Variants in FOXJ3 observed in about 807,000 individuals in gnomAD.
The protein encoded by FOXJ3 is forkhead box J3, also known as forkhead box protein J3.
FOXJ3 carries 22 observed loss-of-function variants against 76.1 expected under a neutral mutation model. The ratio of observed to expected loss-of-function variants is 0.29; its 90% CI spans 0.21 to 0.41. The LOEUF (loss-of-function observed/expected upper bound fraction) is 0.41. Ranked by LOEUF, FOXJ3 falls within the 10% of genes least tolerant of loss-of-function variation. FOXJ3 has a pLI of 1.00. For synonymous variants in FOXJ3, 269 were observed against 261.2 expected, an observed-to-expected ratio of 1.03 and a Z score of -0.29; for missense variants, 613 against 762.1, an observed-to-expected ratio of 0.80 and a Z score of 2.30.
At chr1:42,308,320 G>C (rs1459601437) in intron 2 of FOXJ3, among the ~76,000 whole-genome samples, 1 of 152,232 alleles carries the variant, frequency 6.6e-6, no homozygotes, top group African/African-American at 2.4e-5. Context: ...CTATTGGGTA[G>C]TGTAGTGTGC....
intron 2 of FOXJ3, among the ~76,000 whole-genome samples, chr1:42,284,118 G>A (rs1182382396): frequency 7.9e-5 from 12 of 152,088 alleles, no homozygotes; most frequent in East Asian, 1.9e-4. Context: ...CGTATGTAAC[G>A]ACTATAAAAG....
At chr1:42,254,742 C>T (rs1458049768) in intron 4 of FOXJ3, among the ~76,000 whole-genome samples, 3 of 148,782 alleles carry the variant, frequency 2.0e-5, no homozygotes, top group Middle Eastern at 3.4e-3. Context: ...CATGTTCTCA[C>T]TCATAGATGG....
chr1:42,186,899 G>A (rs866946028), intron 11 of FOXJ3, among the ~76,000 whole-genome samples: 35 of 152,120 alleles, frequency 2.3e-4, no homozygotes, highest in Admixed American at 2.2e-3. Flanking sequence ...CCAGGCTGGA[G>A]TGCACTGGTG....
intron 4 of FOXJ3, among the ~76,000 whole-genome samples, chr1:42,253,833 T>A (rs1157988456): frequency 2.7e-3 from 411 of 151,652 alleles, no homozygotes; most frequent in African/African-American, 9.3e-3. Flanking sequence ...TAAAGACTTA[T>A]ATGTTAGACC....
intron 4 of FOXJ3, among the ~76,000 whole-genome samples, chr1:42,252,717 T>C (rs1329747090): frequency 6.6e-6 from 1 of 152,076 alleles, no homozygotes; most frequent in Admixed American, 6.6e-5. Flanking sequence ...AATTGTGATG[T>C]TAGGGTGTCA....
In FOXJ3 at chr1:42,182,017, C is replaced by T. The variant is rs1289817037; in HGVS notation, c.1653G>A (p.Leu551=). The change falls in exon 12 of 13, where the codon TTG becomes TTA. Residue 551 remains leucine (L), a synonymous_variant. Transcript: ENST00000361346. ...KPSQHIGTGN[L]YIDSRQNLPP... ...GGAGATTTTGCCTAGAATCTATGTA[C>T]AAATTTCCTAATCAGATTAAAAGCA... The T allele has an allele frequency of 1.3e-6, 2 of 1,598,814 alleles. No homozygotes were observed. The highest frequency in any genetic ancestry group is 1.7e-6 in the Non-Finnish European group (2 of 1,167,828).
chr1:42,271,442 T>C (rs1215674167), intron 3 of FOXJ3, among the ~76,000 whole-genome samples: 1 of 152,144 alleles, frequency 6.6e-6, no homozygotes, highest in Admixed American at 6.6e-5. Context: ...GTAGTTATAT[T>C]AAATACACTT....
intron 4 of FOXJ3, among the ~76,000 whole-genome samples, chr1:42,254,824 G>T (rs1211390844): frequency 7.4e-6 from 1 of 135,296 alleles, no homozygotes; most frequent in Admixed American, 7.3e-5. Flanking sequence ...TGGGGTGGGG[G>T]GAGGGGGGAG....
intron 2 of FOXJ3, among the ~76,000 whole-genome samples, chr1:42,289,580 A>T (rs1272694588): frequency 3.9e-5 from 6 of 152,168 alleles, no homozygotes; most frequent in Non-Finnish European, 8.8e-5. Context: ...TATGCTGTGG[A>T]TTTAAAAAGA....
intron 2 of FOXJ3, among the ~76,000 whole-genome samples, chr1:42,303,783 C>T (rs893447643): frequency 1.3e-5 from 2 of 152,188 alleles, no homozygotes; most frequent in Admixed American, 6.5e-5. Context: ...AAGCTGTATA[C>T]ATGTGAGAAC....
intron 5 of FOXJ3, among the ~76,000 whole-genome samples, chr1:42,208,246 G>C (rs991470720): frequency 2.0e-5 from 3 of 152,160 alleles, no homozygotes; most frequent in African/African-American, 7.2e-5. Flanking sequence ...ATCTGCTACT[G>C]ATGTCAAGGA....
At chr1:42,299,132 G>A (rs1653971085) in intron 2 of FOXJ3, among the ~76,000 whole-genome samples, 1 of 152,128 alleles carries the variant, frequency 6.6e-6, no homozygotes, top group African/African-American at 2.4e-5. Context: ...ATGTCTATTA[G>A]GTCCATCTGG....
Position 42,278,602 on chromosome 1 carries a change from T to C in FOXJ3, c.115A>G (p.Ile39Val), listed in dbSNP as rs1329532976. ...TTTTGTGTAGCATCAGATTTTTGGA[T>C]GGCTGCTCTCATGGTGAGCTGTGGT... ...WLPQLTMRAA[I>V]QKSDATQNAH... Residue 39 changes from isoleucine to valine, a missense_variant, in exon 3 of 13, where the codon ATC (isoleucine) becomes GTC (valine). By Grantham distance (29) the Ile-to-Val change is conservative. This residue lies in a region of FOXJ3 where 77 missense variants were observed against 115.1 expected (regional missense o/e 0.67). Transcript: ENST00000361346. The C allele has an allele frequency of 1.9e-6, 3 of 1,614,058 alleles. No individual in the cohort carries two copies. Among genetic ancestry groups the C allele is most frequent in the African/African-American group, 2.7e-5 (2 of 74,920 alleles).
chr1:42,192,408 CAA>C (rs1293556759), intron 8 of FOXJ3, among the ~76,000 whole-genome samples: 2 of 152,120 alleles, frequency 1.3e-5, no homozygotes, highest in Middle Eastern at 3.4e-3. Context: ...TAGGGCCCAA[CAA>C]AAAGTTATTA....
chr1:42,287,630 T>C (rs1422657472), intron 2 of FOXJ3, among the ~76,000 whole-genome samples: 1 of 152,076 alleles, frequency 6.6e-6, no homozygotes, highest in Non-Finnish European at 1.5e-5. Flanking sequence ...TTCATAAAAC[T>C]GGGTTCTGAA....
At chr1:42,299,199 T>A (rs1047226254) in intron 2 of FOXJ3, among the ~76,000 whole-genome samples, 2 of 152,220 alleles carry the variant, frequency 1.3e-5, no homozygotes, top group African/African-American at 4.8e-5. Context: ...TGAATAGTGA[T>A]GTCAGTGAGG....
intron 2 of FOXJ3, among the ~76,000 whole-genome samples, chr1:42,284,858 T>C (rs192700421): frequency 4.6e-5 from 7 of 152,330 alleles, no homozygotes; most frequent in East Asian, 3.9e-4. Context: ...GTAACATTAA[T>C]AGTATCTGTA....
At chr1:42,283,316 C>A (rs1377537806) in intron 2 of FOXJ3, among the ~76,000 whole-genome samples, 6 of 152,030 alleles carry the variant, frequency 3.9e-5, no homozygotes, top group Non-Finnish European at 8.8e-5. Context: ...ATAAGGAGCA[C>A]CAGGTTCAGG....
intron 3 of FOXJ3, among the ~76,000 whole-genome samples, chr1:42,272,601 C>T (rs1651940562): frequency 6.6e-6 from 1 of 152,218 alleles, no homozygotes; most frequent in African/African-American, 2.4e-5. Context: ...CATCATCCTT[C>T]TCTACCCATT....
Sources: allele counts gnomAD v4.1 joint callset (sites outside exome capture counted in the v4.1 genomes callset), GRCh38; gene constraint gnomAD v4.1.1; regional missense constraint gnomAD v4.1.1; transcripts MANE v1.5; gene names NCBI Gene and HGNC (gene_info 2026-07-23, HGNC 2026-07-21).